POTEJ: variants seen among roughly 807,000 people sequenced by gnomAD.
POTEJ encodes POTE ankyrin domain family member J, also known as POTE ankyrin domain family, member J.
Under a neutral mutation model 69.0 loss-of-function variants are expected in POTEJ, and 11 were observed. That is an observed-to-expected ratio of 0.16 (90% confidence interval 0.10 to 0.26). The LOEUF is 0.26. Ranked by LOEUF, POTEJ falls within the 10% of genes least tolerant of loss-of-function variation. The pLI, the probability that POTEJ is intolerant of heterozygous loss-of-function variation, is 1.00. For missense variants in POTEJ, 327 were observed against 1,045.5 expected (o/e 0.31, Z 9.48); for synonymous variants, 117 against 381.1 (o/e 0.31, Z 8.07).
chr2:130,631,894 C>T lies in POTEJ; in HGVS notation c.1131+441C>T, dbSNP rs190183930. Among the ~76,000 whole-genome samples the T allele has an allele frequency of 3.1e-4, 45 of 143,596 alleles. 3 individuals are homozygous for T. In the East Asian group the frequency reaches 6.9e-3, roughly 22 times the overall value. The allele number at this position is 143,596 out of a possible 152,430, so 94.2% of individuals were successfully genotyped here. ...CTTGCACGTCAGCAGTTTCACTCTGCTTCTTGTGTTTTGGCAAACTTTGGC... is the reference window on the plus strand; with the variant it reads ...CTTGCACGTCAGCAGTTTCACTCTGTTTCTTGTGTTTTGGCAAACTTTGGC... On this transcript the variant is annotated intron_variant, in intron 8 of 14. Transcript: ENST00000409602.
intron 1 of POTEJ, among the ~76,000 whole-genome samples, chr2:130,613,401 T>C (rs1283046069): frequency 2.1e-5 from 3 of 143,412 alleles, no homozygotes; most frequent in Non-Finnish European, 4.5e-5. Context: ...TATATATATA[T>C]ATATATATAC....
intron 8 of POTEJ, among the ~76,000 whole-genome samples, chr2:130,631,658 G>A (rs1242842676): frequency 1.4e-5 from 2 of 141,674 alleles, no homozygotes; most frequent in South Asian, 2.1e-4. Context: ...TGATTATTAT[G>A]GAACAATCCT....
At chr2:130,612,847 GT>G (rs1261320316) in intron 1 of POTEJ, among the ~76,000 whole-genome samples, 28 of 140,652 alleles carry the variant, frequency 2.0e-4, no homozygotes, top group African/African-American at 6.6e-4. Flanking sequence ...AAGTTTTAGC[GT>G]TTTTAAATTA....
At chr2:130,624,935 C>T (rs1685648570) in intron 6 of POTEJ, among the ~76,000 whole-genome samples, 1 of 152,084 alleles carries the variant, frequency 6.6e-6, no homozygotes, top group Non-Finnish European at 1.5e-5. Context: ...TGCTCTGCTA[C>T]CATTTGCCAA....
chr2:130,626,874 T>G (rs1265368163), intron 6 of POTEJ, among the ~76,000 whole-genome samples: 1 of 152,314 alleles, frequency 6.6e-6, no homozygotes, highest in African/African-American at 2.4e-5. Flanking sequence ...GCTTAATTTT[T>G]TTTCATGTAA....
chr2:130,639,959 C>T (rs1298423249), intron 10 of POTEJ, among the ~76,000 whole-genome samples: 5 of 152,314 alleles, frequency 3.3e-5, no homozygotes, highest in Middle Eastern at 6.8e-3. Flanking sequence ...TATTTTGCTG[C>T]TTTATTCAGT....
chr2:130,651,406 CT>C (rs1686801123), intron 13 of POTEJ, among the ~76,000 whole-genome samples: 1 of 107,538 alleles, frequency 9.3e-6, no homozygotes, highest in Non-Finnish European at 1.9e-5. Context: ...TTTGAGTCAA[CT>C]TTAACCAGAA....
At chr2:130,624,634 G>T (rs1200438673) in intron 6 of POTEJ, among the ~76,000 whole-genome samples, 4 of 151,990 alleles carry the variant, frequency 2.6e-5, no homozygotes, top group African/African-American at 9.7e-5. Flanking sequence ...GTGTGGTGTG[G>T]TTCATAATAG....
rs556016836 is a variant in POTEJ, at chr2:130,648,531, A to G, written c.1667+2221A>G. Reference sequence around the variant, plus strand: ...GTTGTTTTTCCTCAAGATTATCACTAATTTTTTTCTGTACTAAATCTAGGC... The same window carrying G: ...GTTGTTTTTCCTCAAGATTATCACTGATTTTTTTCTGTACTAAATCTAGGC... On this transcript the variant is annotated intron_variant, in intron 13 of 14. Transcript: ENST00000409602. Among the ~76,000 whole-genome samples, 1,154 of 137,462 alleles carry G rather than the reference A, an allele frequency of 8.4e-3. 38 individuals carry two copies. Among genetic ancestry groups the G allele is most frequent in the South Asian group, 0.02 (92 of 4,646 alleles). The allele number at this position is 137,462 out of a possible 152,430, so 90.2% of individuals were successfully genotyped here. A position where few individuals can be genotyped will look rare whatever the true frequency, so the allele number is the denominator to read the frequency against.
intron 13 of POTEJ, among the ~76,000 whole-genome samples, chr2:130,650,360 T>C (rs1287525117): frequency 2.6e-5 from 4 of 152,268 alleles, no homozygotes; most frequent in Non-Finnish European, 5.9e-5. Context: ...GTTTTTCTCC[T>C]CTAACGTACT....
intron 7 of POTEJ, among the ~76,000 whole-genome samples, chr2:130,630,395 AC>A (rs1274332899): frequency 1.0e-5 from 1 of 96,444 alleles, no homozygotes; most frequent in African/African-American, 4.4e-5. Flanking sequence ...TTTTTACAAC[AC>A]CCGAACATGA....
At chr2:130,630,862 A>G (rs1485228498) in intron 7 of POTEJ, among the ~76,000 whole-genome samples, 2 of 144,090 alleles carry the variant, frequency 1.4e-5, no homozygotes, top group East Asian at 3.8e-4. Context: ...ATATAATCTC[A>G]ATTAAAATTG....
At chr2:130,613,253 T>TAC (rs1372424402) in intron 1 of POTEJ, among the ~76,000 whole-genome samples, 1 of 105,700 alleles carries the variant, frequency 9.5e-6, no homozygotes, top group Non-Finnish European at 2.1e-5. Context: ...TACATATATA[T>TAC]ACACATATAT....
intron 13 of POTEJ, among the ~76,000 whole-genome samples, chr2:130,646,560 T>A (rs570010937): frequency 6.9e-6 from 1 of 145,684 alleles, no homozygotes; most frequent in Admixed American, 6.8e-5. Flanking sequence ...AGTGAACTTT[T>A]ATTTTAGCTT....
chr2:130,643,590 G>A (rs1686476970), intron 10 of POTEJ, among the ~76,000 whole-genome samples: 1 of 144,710 alleles, frequency 6.9e-6, no homozygotes. Flanking sequence ...ATATTAGGAA[G>A]ATGTTGTACA....
intron 10 of POTEJ, among the ~76,000 whole-genome samples, chr2:130,641,446 A>G (rs1354843592): frequency 6.7e-6 from 1 of 148,606 alleles, no homozygotes; most frequent in African/African-American, 2.5e-5. Flanking sequence ...AATAGTTGGC[A>G]GTTTTCTTTT....
Position 130,643,516 on chromosome 2 carries a change from AT to A in POTEJ, c.1370-465del, listed in dbSNP as rs200121699. ...TGGTGACAGAGGAAGACCCTGACTC[AT>A]TAAAAAAAAAAAAAGAAAAAAAGAA... On this transcript the variant is annotated intron_variant, in intron 10 of 14. Transcript: ENST00000409602. 2.8e-3 allele frequency among the ~76,000 whole-genome samples: 388 copies of A among 139,932 alleles called. 10 individuals carry two copies. The highest frequency in any genetic ancestry group is 9.6e-3 in the African/African-American group (350 of 36,574). 91.8% of individuals were successfully genotyped at this position (139,932 alleles called of 152,430 possible).
At chr2:130,617,934 A>ACC in intron 3 of POTEJ, among the ~76,000 whole-genome samples, 1 of 152,212 alleles carries the variant, frequency 6.6e-6, no homozygotes, top group Non-Finnish European at 1.5e-5. Flanking sequence ...TGTAAACTGA[A>ACC]TAGAGATCAA....
chr2:130,656,487 A>G, intron 14 of POTEJ, 62 bp from the exon 15 acceptor site: 1 of 1,552,538 alleles, frequency 6.4e-7, no homozygotes, highest in Non-Finnish European at 8.7e-7. Context: ...TTTGAATTTC[A>G]AAAGAAATCA....
Sources: gnomAD v4.1 joint callset for allele counts (sites outside exome capture counted in the v4.1 genomes callset) on GRCh38, gnomAD v4.1.1 for gene constraint, MANE v1.5 for transcripts, NCBI Gene and HGNC (gene_info 2026-07-23, HGNC 2026-07-21) for gene names.